CTNND2: variants seen among roughly 807,000 people sequenced by gnomAD.
The protein encoded by CTNND2 is catenin delta-2.
Under a neutral mutation model 144.4 loss-of-function variants are expected in CTNND2, and 22 were observed. That is an observed-to-expected ratio of 0.15 (90% CI 0.11 to 0.22). The LOEUF is 0.22. Ranked by LOEUF, CTNND2 falls within the 10% of genes least tolerant of loss-of-function variation. The pLI is 1.00. For synonymous variants in CTNND2, 751 were observed against 695.6 expected (o/e 1.08, Z -1.25); for missense variants, 1,353 against 1,618.8 (o/e 0.84, Z 2.82).
intron 2 of CTNND2, among the ~76,000 whole-genome samples, chr5:11,656,134 A>G (rs1782900730): frequency 6.6e-6 from 1 of 152,158 alleles, no homozygotes; most frequent in African/African-American, 2.4e-5. Context: ...ACTATAAATT[A>G]CAGTCAAAGA....
intron 11 of CTNND2, among the ~76,000 whole-genome samples, chr5:11,185,888 A>G (rs1432513265): frequency 1.3e-5 from 2 of 152,222 alleles, no homozygotes; most frequent in Non-Finnish European, 2.9e-5. Flanking sequence ...ATAATTGTAG[A>G]GCAAATAGAG....
chr5:11,251,745 G>A (rs767786768), intron 9 of CTNND2, among the ~76,000 whole-genome samples: 4 of 152,100 alleles, frequency 2.6e-5, no homozygotes, highest in South Asian at 4.1e-4. Flanking sequence ...TAGGAAGTTC[G>A]TCTTGTAAAA....
chr5:11,301,174 G>A (rs1439015553), intron 9 of CTNND2, among the ~76,000 whole-genome samples: 11 of 126,428 alleles, frequency 8.7e-5, no homozygotes, highest in Non-Finnish European at 3.5e-5. Flanking sequence ...CTGCCACCAT[G>A]CCCAGCTAAT....
intron 1 of CTNND2, among the ~76,000 whole-genome samples, chr5:11,869,207 G>A (rs1238025274): frequency 1.3e-5 from 2 of 152,124 alleles, no homozygotes; most frequent in African/African-American, 4.8e-5. Context: ...GCCATATGAT[G>A]CACCAACCCC....
In CTNND2 at chr5:11,279,984, C is replaced by CAGGG. The variant is rs1746954420; in HGVS notation, c.1629-43165_1629-43162dup. Reference sequence around the variant, plus strand: ...CTCCCACCAGGCCCCATCTCTAATACAGGGGATTACAAATTCAACCTGAAA... The same window carrying CAGGG: ...CTCCCACCAGGCCCCATCTCTAATACAGGGAGGGGATTACAAATTCAACCTGAAA... On this transcript the variant is annotated intron_variant, in intron 9 of 21. Transcript: ENST00000304623. Among the ~76,000 whole-genome samples the CAGGG allele has an allele frequency of 2.0e-5, 3 of 152,278 alleles. No homozygotes were observed. The Middle Eastern group carries it at 0.01, about 518-fold the overall frequency.
At chr5:11,082,294 A>G (rs1749656010) in intron 16 of CTNND2, among the ~76,000 whole-genome samples, 1 of 152,226 alleles carries the variant, frequency 6.6e-6, no homozygotes, top group South Asian at 2.1e-4. Context: ...TCTTAAAAGA[A>G]TAGGATTAAA....
intron 1 of CTNND2, among the ~76,000 whole-genome samples, chr5:11,784,707 T>C (rs1389258699): frequency 2.0e-5 from 3 of 152,236 alleles, no homozygotes; most frequent in East Asian, 1.9e-4. Context: ...CAGATGTTTC[T>C]ATTGTTGGCT....
rs115116645 is a variant in CTNND2, at chr5:11,073,507, C to T, written c.2788+9189G>A. On this transcript the variant is annotated intron_variant, in intron 16 of 21. Transcript: ENST00000304623. ...GGAAATGTTTCAGTTTTGTCTTTTT[C>T]CCCACATGGAGTATTTCCAAGGGAC... 2.2e-3 allele frequency among the ~76,000 whole-genome samples: 330 copies of T among 152,302 alleles called. 2 individuals are homozygous for T. Among genetic ancestry groups the T allele is most frequent in the African/African-American group, 7.7e-3 (319 of 41,568 alleles).
At chr5:11,794,686 T>C (rs114977715) in intron 1 of CTNND2, among the ~76,000 whole-genome samples, 18 of 152,340 alleles carry the variant, frequency 1.2e-4, no homozygotes, top group Non-Finnish European at 2.5e-4. Context: ...GCAAGAACTA[T>C]AAACATCAGT....
intron 2 of CTNND2, among the ~76,000 whole-genome samples, chr5:11,668,692 C>T (rs1361751269): frequency 1.3e-5 from 2 of 152,162 alleles, no homozygotes; most frequent in South Asian, 4.1e-4. Flanking sequence ...TCTAAATATA[C>T]AATCATGTCA....
chr5:11,184,532 A>T (rs1735425308), intron 11 of CTNND2, among the ~76,000 whole-genome samples: 2 of 152,206 alleles, frequency 1.3e-5, no homozygotes, highest in African/African-American at 4.8e-5. Flanking sequence ...TTAAGTGCTA[A>T]CTGTGTTTGC....
At chr5:11,058,441 T>C (rs922783033) in intron 16 of CTNND2, among the ~76,000 whole-genome samples, 1 of 152,210 alleles carries the variant, frequency 6.6e-6, no homozygotes, top group East Asian at 1.9e-4. Context: ...AGCTCTCATG[T>C]GGTGTTGAGA....
At chr5:11,616,526 G>A (rs1376740997) in intron 2 of CTNND2, among the ~76,000 whole-genome samples, 1 of 150,900 alleles carries the variant, frequency 6.6e-6, no homozygotes, top group African/African-American at 2.4e-5. Context: ...TTCCTTCCTT[G>A]CTTCCTTCCT....
intron 2 of CTNND2, among the ~76,000 whole-genome samples, chr5:11,653,190 T>C (rs1452703852): frequency 6.6e-6 from 1 of 151,384 alleles, no homozygotes; most frequent in Non-Finnish European, 1.5e-5. Flanking sequence ...TTATTAACAA[T>C]GCCACAAGGA....
At chr5:10,978,348 G>A (rs1736767284) in intron 21 of CTNND2, among the ~76,000 whole-genome samples, 1 of 152,212 alleles carries the variant, frequency 6.6e-6, no homozygotes, top group African/African-American at 2.4e-5. Context: ...GGTTAGGATG[G>A]TTGCACTTTA....
At chr5:11,820,571 T>G (rs1445430227) in intron 1 of CTNND2, among the ~76,000 whole-genome samples, 2 of 152,196 alleles carry the variant, frequency 1.3e-5, no homozygotes, top group African/African-American at 4.8e-5. Context: ...CATGAAGAGT[T>G]TTACATATTA....
At chr5:11,445,378 C>T (rs1029398995) in intron 3 of CTNND2, among the ~76,000 whole-genome samples, 2 of 152,176 alleles carry the variant, frequency 1.3e-5, no homozygotes, top group Non-Finnish European at 2.9e-5. Flanking sequence ...TAAGGTCACG[C>T]ACGGTTTCCC....
chr5:11,394,637 G>C (rs1759912618), intron 6 of CTNND2, among the ~76,000 whole-genome samples: 1 of 152,220 alleles, frequency 6.6e-6, no homozygotes, highest in South Asian at 2.1e-4. Context: ...AGTAATGTCA[G>C]AGAACAAATA....
intron 1 of CTNND2, among the ~76,000 whole-genome samples, chr5:11,826,890 T>C (rs1793631976): frequency 6.6e-6 from 1 of 152,050 alleles, no homozygotes; most frequent in African/African-American, 2.4e-5. Flanking sequence ...GAGAATTCAA[T>C]ACTCCCCTCT....
Sources: allele counts gnomAD v4.1 joint callset (sites outside exome capture counted in the v4.1 genomes callset), GRCh38; gene constraint gnomAD v4.1.1; transcripts MANE v1.5; gene names NCBI Gene and HGNC (gene_info 2026-07-23, HGNC 2026-07-21).